WAPL: variants seen among roughly 807,000 people sequenced by gnomAD.
The protein encoded by WAPL is WAPL cohesin release factor, also known as wings apart-like protein homolog.
WAPL carries 5 observed loss-of-function variants against 121.0 expected under a neutral mutation model. The observed-to-expected ratio is 0.04, with a 90% CI of 0.02 to 0.09. The LOEUF is 0.09. Among genes scored for constraint, WAPL ranks in the 10% least tolerant of loss-of-function variants. WAPL has a pLI of 1.00. For synonymous variants in WAPL, 480 were observed against 481.5 expected (o/e 1.00, Z 0.04); for missense variants, 999 against 1,410.8 (o/e 0.71, Z 4.68).
In WAPL at chr10:86,437,153, C is replaced by T. The variant is rs914197344; in HGVS notation, c.*390G>A. 1.2e-5 allele frequency: 2 copies of T among 165,150 alleles called. No individual in the cohort carries two copies. The highest frequency in any genetic ancestry group is 1.7e-4 in the East Asian group (1 of 5,726). 10.2% of individuals were successfully genotyped at this position (165,150 alleles called of 1,614,324 possible). A position where few individuals can be genotyped will look rare whatever the true frequency, so the allele number is the denominator to read the frequency against. Reference sequence around the variant, plus strand: ...CCTCAGTAGCTAAGCTGCCTTTGCACCTGGCTGGCATGACAACAGTGGCTC... The same window carrying T: ...CCTCAGTAGCTAAGCTGCCTTTGCATCTGGCTGGCATGACAACAGTGGCTC... On this transcript the variant is annotated 3_prime_UTR_variant, in exon 19 of 19. Coordinates refer to ENST00000298767, the MANE Select transcript of WAPL (RefSeq NM_015045.5).
At chr10:86,467,633 T>C (rs1310211089) in intron 8 of WAPL, 127 bp from the exon 9 acceptor site, 1 of 717,610 alleles carries the variant, frequency 1.4e-6, no homozygotes, top group Non-Finnish European at 2.1e-6. Context: ...ACTAACCATG[T>C]TGGAAACTTC....
chr10:86,462,407 TCTA>T (rs986304622), intron 9 of WAPL, among the ~76,000 whole-genome samples: 1 of 152,164 alleles, frequency 6.6e-6, no homozygotes, highest in African/African-American at 2.4e-5. Context: ...AAGATTTTAA[TCTA>T]CTTCTTTTAA....
intron 4 of WAPL, among the ~76,000 whole-genome samples, chr10:86,492,110 C>T (rs1202800184): frequency 2.0e-5 from 3 of 152,112 alleles, no homozygotes; most frequent in Non-Finnish European, 2.9e-5. Flanking sequence ...GAGATCATGC[C>T]GTTTTTAATA....
intron 4 of WAPL, among the ~76,000 whole-genome samples, chr10:86,481,101 A>C (rs1841772918): frequency 6.6e-6 from 1 of 152,252 alleles, no homozygotes; most frequent in Non-Finnish European, 1.5e-5. Context: ...GACATGCTGA[A>C]AGTATAAAAT....
At chr10:86,484,599 A>G (rs1444940131) in intron 4 of WAPL, among the ~76,000 whole-genome samples, 1 of 152,250 alleles carries the variant, frequency 6.6e-6, no homozygotes, top group Non-Finnish European at 1.5e-5. Flanking sequence ...TACAGTCTTT[A>G]TAAAGTCTAC....
In WAPL at chr10:86,521,638, C is replaced by T. The variant is rs759948168; in HGVS notation, c.-296G>A. The T allele has an allele frequency of 1.3e-5, 6 of 461,354 alleles. No homozygotes were observed. The highest frequency in any genetic ancestry group is 2.7e-5 in the Non-Finnish European group (6 of 223,800). 28.6% of individuals were successfully genotyped at this position (461,354 alleles called of 1,614,324 possible). Reference sequence around the variant, plus strand: ...CTGCTGGAGCTGGTAACAGAGCCTGCTGTGTGCCCCCGCTGGGCCGCCGCC... The same window carrying T: ...CTGCTGGAGCTGGTAACAGAGCCTGTTGTGTGCCCCCGCTGGGCCGCCGCC... On this transcript the variant is annotated 5_prime_UTR_variant, in exon 1 of 19. Transcript: ENST00000298767.
At chr10:86,449,860 T>C (rs1402435859) in intron 15 of WAPL, among the ~76,000 whole-genome samples, 2 of 152,174 alleles carry the variant, frequency 1.3e-5, no homozygotes, top group East Asian at 3.8e-4. Context: ...GGAGGGCAGG[T>C]AGGCTGTACA....
chr10:86,477,553 A>G (rs893795890), intron 4 of WAPL, among the ~76,000 whole-genome samples: 2 of 152,162 alleles, frequency 1.3e-5, no homozygotes, highest in Admixed American at 6.5e-5. Context: ...CTGTAATCCC[A>G]GCATTTTGGT....
Position 86,435,490 on chromosome 10 carries a change from T to C in WAPL, c.*2053A>G, listed in dbSNP as rs180912024. On this transcript the variant is annotated 3_prime_UTR_variant, in exon 19 of 19. Transcript: ENST00000298767. ...ATTTACAATGGAAAAAAGGTTACTT[T>C]AAAACTTTTAGTTAAGTCAGCCTCA... 1.9e-3 allele frequency: 286 copies of C among 152,756 alleles called. 1 individual carries two copies. Among genetic ancestry groups the C allele is most frequent in the African/African-American group, 6.4e-3 (267 of 41,574 alleles). 9.5% of individuals were successfully genotyped at this position (152,756 alleles called of 1,614,324 possible).
intron 2 of WAPL, among the ~76,000 whole-genome samples, chr10:86,508,760 T>TC (rs1247418245): frequency 3.5e-5 from 5 of 144,488 alleles, no homozygotes; most frequent in Non-Finnish European, 7.6e-5. Context: ...TGAAAGTTCT[T>TC]TTTTTTTTTT....
intron 1 of WAPL, among the ~76,000 whole-genome samples, chr10:86,519,340 T>C (rs568940288): frequency 6.6e-6 from 1 of 152,330 alleles, no homozygotes; most frequent in East Asian, 1.9e-4. Flanking sequence ...GCCTAAGGAA[T>C]GAAAAATCAT....
chr10:86,497,703 A>T (rs1356343376), intron 3 of WAPL, among the ~76,000 whole-genome samples: 1 of 152,194 alleles, frequency 6.6e-6, no homozygotes, highest in African/African-American at 2.4e-5. Flanking sequence ...ATGCGTATCT[A>T]CCTGTAACAT....
chr10:86,505,856 T>G (rs1225447351), intron 2 of WAPL, among the ~76,000 whole-genome samples: 1 of 152,094 alleles, frequency 6.6e-6, no homozygotes, highest in African/African-American at 2.4e-5. Flanking sequence ...CATACGAAAG[T>G]GAACAGTTTC....
chr10:86,499,130 T>G (rs558142996), intron 3 of WAPL, among the ~76,000 whole-genome samples: 1 of 152,198 alleles, frequency 6.6e-6, no homozygotes, highest in African/African-American at 2.4e-5. Flanking sequence ...CATACACATA[T>G]ATGCTTTAAA....
At chr10:86,461,409 T>G in intron 9 of WAPL, 122 bp from the exon 10 acceptor site, 1 of 693,902 alleles carries the variant, frequency 1.4e-6, no homozygotes, top group South Asian at 2.0e-5. Context: ...TACATAAAAT[T>G]GAACTAATTT....
At chr10:86,439,159 T>C (rs190997779) in intron 17 of WAPL, among the ~76,000 whole-genome samples, 1 of 152,086 alleles carries the variant, frequency 6.6e-6, no homozygotes. Context: ...CTTCAGAAAT[T>C]TGCCACTACC....
intron 9 of WAPL, among the ~76,000 whole-genome samples, chr10:86,464,111 G>A (rs1841347224): frequency 6.6e-6 from 1 of 152,084 alleles, no homozygotes; most frequent in East Asian, 1.9e-4. Flanking sequence ...ATATATTCAA[G>A]AAATTAAGCA....
At chr10:86,498,937 T>C (rs1384826948) in intron 3 of WAPL, among the ~76,000 whole-genome samples, 1 of 152,128 alleles carries the variant, frequency 6.6e-6, no homozygotes, top group Non-Finnish European at 1.5e-5. Context: ...GGTTTGAGAG[T>C]GTTTTGAATG....
intron 2 of WAPL, among the ~76,000 whole-genome samples, chr10:86,512,178 C>T (rs1198554132): frequency 2.0e-5 from 3 of 152,180 alleles, no homozygotes; most frequent in Non-Finnish European, 4.4e-5. Context: ...AGTAATAAAA[C>T]ATTTCCCTTT....
Sources: allele counts gnomAD v4.1 joint callset (sites outside exome capture counted in the v4.1 genomes callset), GRCh38; gene constraint gnomAD v4.1.1; transcripts MANE v1.5; gene names NCBI Gene and HGNC (gene_info 2026-07-23, HGNC 2026-07-21).